PRKCB: variants seen among roughly 807,000 people sequenced by gnomAD.
The protein encoded by PRKCB is protein kinase C beta, also known as protein kinase C beta type.
A neutral mutation model predicts 81.5 loss-of-function variants in PRKCB; 13 were observed. The ratio of observed to expected loss-of-function variants is 0.16; its 90% CI spans 0.10 to 0.25. PRKCB has a LOEUF of 0.25. Ranked by LOEUF, PRKCB falls within the 10% of genes least tolerant of loss-of-function variation. The probability of loss-of-function intolerance (pLI) is 1.00; values close to 1 mark genes in which losing one functional copy is unlikely to be tolerated. For missense variants in PRKCB, 509 were observed against 875.7 expected (o/e 0.58, Z 5.29); for synonymous variants, 335 against 321.4 (o/e 1.04, Z -0.45).
intron 7 of PRKCB, among the ~76,000 whole-genome samples, chr16:24,109,164 C>T (rs1596551636): frequency 7.3e-6 from 1 of 137,294 alleles, no homozygotes; most frequent in East Asian, 2.3e-4. Flanking sequence ...GGGGCTGACC[C>T]CCCCACCTCC....
At chr16:23,909,365 T>C (rs762944803) in intron 2 of PRKCB, among the ~76,000 whole-genome samples, 2 of 152,230 alleles carry the variant, frequency 1.3e-5, no homozygotes, top group Non-Finnish European at 1.5e-5. Context: ...GCTGGAGGTC[T>C]GAGGTTCTTG....
intron 2 of PRKCB, among the ~76,000 whole-genome samples, chr16:23,920,704 C>T (rs779529786): frequency 6.6e-6 from 1 of 152,076 alleles, no homozygotes; most frequent in Non-Finnish European, 1.5e-5. Flanking sequence ...CTGCTCAGGG[C>T]TGGGGCAGAG....
chr16:24,189,701 C>T (rs1967760884), intron 15 of PRKCB, among the ~76,000 whole-genome samples: 1 of 151,446 alleles, frequency 6.6e-6, no homozygotes, highest in Non-Finnish European at 1.5e-5. Flanking sequence ...CAGTTAATTT[C>T]CCCACCCTGG....
intron 2 of PRKCB, among the ~76,000 whole-genome samples, chr16:23,951,678 A>G (rs1645708914): frequency 6.9e-6 from 1 of 145,914 alleles, no homozygotes; most frequent in African/African-American, 2.6e-5. Flanking sequence ...TTAGCCTCCC[A>G]AGGTGCTGAG....
chr16:23,929,928 T>G (rs929170983), intron 2 of PRKCB, among the ~76,000 whole-genome samples: 4 of 151,956 alleles, frequency 2.6e-5, no homozygotes, highest in Admixed American at 2.0e-4. Flanking sequence ...CAGCGTACTA[T>G]GAAATGTGAC....
chr16:24,017,892 AT>A (rs35809970), intron 3 of PRKCB, among the ~76,000 whole-genome samples: 1,978 of 113,234 alleles, frequency 0.017, 21 homozygotes, highest in Non-Finnish European at 0.02. Flanking sequence ...ACCATAACTA[AT>A]TTTTTTTTTT....
intron 16 of PRKCB, among the ~76,000 whole-genome samples, chr16:24,196,264 C>T (rs1353338224): frequency 6.6e-6 from 1 of 152,182 alleles, no homozygotes; most frequent in Non-Finnish European, 1.5e-5. Context: ...TGCTGTAACA[C>T]AGTGTGCTGT....
rs548736201 is a variant in PRKCB at position 24,102,519 on chromosome 16, G to A, written c.821+8222G>A. The stretch of plus-strand genomic sequence containing the variant: ...GCTCCATCAGCTCTTCTGTTGTGCT[G>A]TAATTGAAGACCGTGTGGCAGAAAC... On this transcript the variant is annotated intron_variant, in intron 7 of 16. Coordinates refer to ENST00000643927, the MANE Select transcript of PRKCB (RefSeq NM_002738.7). Among the ~76,000 whole-genome samples the A allele has an allele frequency of 5.3e-5, 8 of 152,314 alleles. No homozygotes were observed. The South Asian group carries it at 6.2e-4, about 12-fold the overall frequency.
chr16:24,176,830 G>T (rs1196509763), intron 12 of PRKCB, among the ~76,000 whole-genome samples: 3 of 150,880 alleles, frequency 2.0e-5, no homozygotes, highest in Admixed American at 6.6e-5. Flanking sequence ...GGAGGCAGAG[G>T]TTGCAGTGAG....
At chr16:24,096,666 A>AAAAAAAAAAAATATAT (rs1406204037) in intron 7 of PRKCB, among the ~76,000 whole-genome samples, 19 of 32,656 alleles carry the variant, frequency 5.8e-4, no homozygotes, top group South Asian at 3.0e-3. Context: ...AAAAAAAAAA[A>AAAAAAAAAAAATATAT]ATATATATAT....
At chr16:24,121,278 G>A (rs1046554343) in intron 8 of PRKCB, among the ~76,000 whole-genome samples, 7 of 152,192 alleles carry the variant, frequency 4.6e-5, no homozygotes, top group East Asian at 3.9e-4. Flanking sequence ...TAGAATGCAC[G>A]TTTTTTCAGA....
intron 5 of PRKCB, among the ~76,000 whole-genome samples, chr16:24,043,196 C>T (rs1296565161): frequency 1.3e-5 from 2 of 152,196 alleles, no homozygotes; most frequent in Non-Finnish European, 2.9e-5. Context: ...ACACTGCACT[C>T]ATACTCATGA....
At chr16:23,860,045 T>G (rs1962638520) in intron 2 of PRKCB, among the ~76,000 whole-genome samples, 1 of 152,150 alleles carries the variant, frequency 6.6e-6, no homozygotes, top group African/African-American at 2.4e-5. Flanking sequence ...GTTTCTATTT[T>G]CTTTGTGAAG....
chr16:23,978,415 G>T (rs948550486), intron 2 of PRKCB, among the ~76,000 whole-genome samples: 3 of 152,208 alleles, frequency 2.0e-5, no homozygotes, highest in African/African-American at 7.2e-5. Context: ...CGTCTGTCCT[G>T]CAGGGATGCT....
At chr16:24,155,584 C>A (rs886454409) in intron 10 of PRKCB, among the ~76,000 whole-genome samples, 2 of 152,218 alleles carry the variant, frequency 1.3e-5, no homozygotes, top group East Asian at 3.9e-4. Context: ...GGGCCAATGA[C>A]CTGGTGACTT....
intron 16 of PRKCB, among the ~76,000 whole-genome samples, chr16:24,204,061 T>C (rs756820269): frequency 6.6e-5 from 10 of 151,994 alleles, no homozygotes; most frequent in Non-Finnish European, 1.5e-4. Flanking sequence ...CAGGACCTCT[T>C]TCAAGCCAGA....
chr16:23,838,080 C>T (rs537534184), intron 2 of PRKCB, among the ~76,000 whole-genome samples: 78 of 152,306 alleles, frequency 5.1e-4, no homozygotes, highest in African/African-American at 1.8e-3. Context: ...GAGTTGATCA[C>T]GTGTAAAGTG....
At position 23,869,247 on chromosome 16, in the gene PRKCB, C is replaced by T. The variant is rs572285411; in HGVS notation, c.205+31841C>T. 4.7e-4 allele frequency: 172 copies of T among 366,780 alleles called. 2 individuals carry two copies. The highest frequency in any genetic ancestry group is 3.3e-3 in the African/African-American group (159 of 47,832). The allele number at this position is 366,780 out of a possible 1,614,324, so 22.7% of individuals were successfully genotyped here. A position where few individuals can be genotyped will look rare whatever the true frequency, so the allele number is the denominator to read the frequency against. ...TTAGCCATTGTTCTTCCCACCTCTG[C>T]CACAAGACCAAGAAAGGGCTGTTGC... On this transcript the variant is annotated intron_variant, in intron 2 of 16. Transcript: ENST00000643927.
At chr16:24,093,031 G>A in intron 6 of PRKCB, 84 bp downstream of exon 6, 1 of 1,410,268 alleles carries the variant, frequency 7.1e-7, no homozygotes, top group Admixed American at 2.0e-5. Flanking sequence ...TCCTCCCTTA[G>A]CTCCTGTTTC....
Sources: gnomAD v4.1 joint callset for allele counts (sites outside exome capture counted in the v4.1 genomes callset) on GRCh38, gnomAD v4.1.1 for gene constraint, MANE v1.5 for transcripts, NCBI Gene and HGNC (gene_info 2026-07-23, HGNC 2026-07-21) for gene names.